The following CTXND1 variants were observed in gnomAD, a reference collection of about 807,000 sequenced individuals.
CTXND1 encodes cortexin domain containing 1.
chr15:80,205,526 T>A (rs938160085), intron 1 of CTXND1, among the ~76,000 whole-genome samples: 1 of 152,206 alleles, frequency 6.6e-6, no homozygotes, highest in Non-Finnish European at 1.5e-5. Flanking sequence ...TATTTATGGG[T>A]TTTTTGAATA....
chr15:80,221,867 TG>T (rs769191192), intron 1 of CTXND1, among the ~76,000 whole-genome samples: 6 of 152,222 alleles, frequency 3.9e-5, no homozygotes, highest in Non-Finnish European at 7.3e-5. Context: ...AAATGTTGTT[TG>T]GAAATATGTT....
intron 1 of CTXND1, among the ~76,000 whole-genome samples, chr15:80,216,704 T>G (rs1893257367): frequency 6.6e-6 from 1 of 152,160 alleles, no homozygotes; most frequent in African/African-American, 2.4e-5. Flanking sequence ...AAACTCTGCC[T>G]CCTGGGTTCA....
Position 80,208,071 on chromosome 15 carries a change from G to A in CTXND1, c.-217-4331C>T, listed in dbSNP as rs138227317. 2.8e-3 allele frequency among the ~76,000 whole-genome samples: 420 copies of A among 152,370 alleles called. 2 individuals carry two copies. The highest frequency in any genetic ancestry group is 9.6e-3 in the African/African-American group (399 of 41,598). Reference sequence around the variant, plus strand: ...CAACTATGAGGCCAGGCTTGAGGATGAGGAAATAGGTGTTTGGTCAAAGTT... The same window carrying A: ...CAACTATGAGGCCAGGCTTGAGGATAAGGAAATAGGTGTTTGGTCAAAGTT... On this transcript the variant is annotated intron_variant, in intron 1 of 2. Transcript: ENST00000560778.
At chr15:80,212,912 C>G (rs1893215897) in intron 1 of CTXND1, among the ~76,000 whole-genome samples, 1 of 152,170 alleles carries the variant, frequency 6.6e-6, no homozygotes, top group South Asian at 2.1e-4. Context: ...AGAGCTGTGG[C>G]CAAGAGGGCA....
intron 1 of CTXND1, among the ~76,000 whole-genome samples, chr15:80,223,578 A>G (rs1438366423): frequency 6.6e-6 from 1 of 152,134 alleles, no homozygotes; most frequent in African/African-American, 2.4e-5. Context: ...TTAGTTGTAT[A>G]TCTAGAAGGT....
Position 80,201,750 on chromosome 15 carries a change from G to C in CTXND1, c.*20C>G. 2.5e-6 allele frequency: 1 copy of C among 398,858 alleles called. No homozygotes were observed. The highest frequency in any genetic ancestry group is 4.4e-6 in the Non-Finnish European group (1 of 226,282). The allele number at this position is 398,858 out of a possible 1,614,324, so 24.7% of individuals were successfully genotyped here. A position where few individuals can be genotyped will look rare whatever the true frequency, so the allele number is the denominator to read the frequency against. On this transcript the variant is annotated 3_prime_UTR_variant, in exon 3 of 3. Transcript: ENST00000560778. The stretch of plus-strand genomic sequence containing the variant: ...AGCCACCCACAGAGCGCCAGGTCCA[G>C]TCCCCACAGCCGCTGTGCCTCAGTC...
At chr15:80,220,892 AATTT>A (rs1893306794) in intron 1 of CTXND1, among the ~76,000 whole-genome samples, 1 of 148,504 alleles carries the variant, frequency 6.7e-6, no homozygotes. Flanking sequence ...ATTATTAATT[AATTT>A]ATTATTATTA....
At chr15:80,225,716 G>C (rs1053665774) in intron 1 of CTXND1, among the ~76,000 whole-genome samples, 6 of 151,924 alleles carry the variant, frequency 3.9e-5, no homozygotes, top group Admixed American at 2.0e-4. Context: ...CTCTTTTTAT[G>C]AAGTGGTATG....
intron 1 of CTXND1, among the ~76,000 whole-genome samples, chr15:80,225,073 C>A (rs2142132154): frequency 6.6e-6 from 1 of 152,328 alleles, no homozygotes. Flanking sequence ...CTCACAATGC[C>A]TTTCTTTTAT....
intron 1 of CTXND1, among the ~76,000 whole-genome samples, chr15:80,215,474 G>C (rs538425676): frequency 6.6e-6 from 1 of 152,248 alleles, no homozygotes; most frequent in East Asian, 1.9e-4. Flanking sequence ...TCTCCTTGAG[G>C]ACAAAGGATG....
intron 1 of CTXND1, among the ~76,000 whole-genome samples, chr15:80,245,939 G>A (rs1403707048): frequency 1.3e-5 from 2 of 152,068 alleles, no homozygotes; most frequent in Non-Finnish European, 2.9e-5. Context: ...CTTTTGTAAT[G>A]AAAATCAAAT....
chr15:80,235,577 A>C (rs1893486313), intron 1 of CTXND1, among the ~76,000 whole-genome samples: 1 of 152,078 alleles, frequency 6.6e-6, no homozygotes, highest in African/African-American at 2.4e-5. Flanking sequence ...CCCAGTTACT[A>C]TTTTCAGCCT....
intron 1 of CTXND1, among the ~76,000 whole-genome samples, chr15:80,221,340 A>G (rs1893316319): frequency 6.6e-6 from 1 of 152,194 alleles, no homozygotes; most frequent in Non-Finnish European, 1.5e-5. Flanking sequence ...ACCACAAGTG[A>G]AATAGTGAAT....
intron 1 of CTXND1, among the ~76,000 whole-genome samples, chr15:80,218,633 T>C (rs962389819): frequency 6.6e-6 from 1 of 151,926 alleles, no homozygotes; most frequent in Non-Finnish European, 1.5e-5. Context: ...TATATATATT[T>C]TCCGTTGATA....
intron 1 of CTXND1, among the ~76,000 whole-genome samples, chr15:80,219,605 T>A (rs188051282): frequency 2.2e-4 from 33 of 152,286 alleles, no homozygotes; most frequent in African/African-American, 7.0e-4. Context: ...CATTGCCAAT[T>A]TTTCCTCCCA....
chr15:80,205,127 T>C (rs1399545388), intron 1 of CTXND1, among the ~76,000 whole-genome samples: 3 of 152,230 alleles, frequency 2.0e-5, no homozygotes, highest in Non-Finnish European at 2.9e-5. Flanking sequence ...TTCCACATCT[T>C]TTAAAATTTA....
rs1595901639 is a variant in CTXND1 at position 80,197,443 on chromosome 15, AC to A, written c.*4326del. 1 of 152,238 alleles carries A rather than the reference AC, an allele frequency of 6.6e-6. No homozygotes were observed. The allele number at this position is 152,238 out of a possible 1,614,324, so 9.4% of individuals were successfully genotyped here. A position where few individuals can be genotyped will look rare whatever the true frequency, so the allele number is the denominator to read the frequency against. On this transcript the variant is annotated 3_prime_UTR_variant, in exon 3 of 3. Transcript: ENST00000560778. ...ACCTCTGTAAATATTCTTTCATTAA[AC>A]TGTCTTCAATCAGTGCTTCGTGTGT...
chr15:80,238,008 C>CAAAAA (rs57718635), intron 1 of CTXND1, among the ~76,000 whole-genome samples: 10,113 of 76,776 alleles, frequency 0.13, 914 homozygotes, highest in East Asian at 0.23. Flanking sequence ...GACTCCATCT[C>CAAAAA]AAAAAAAAAA....
chr15:80,234,564 A>G (rs1324102679), intron 1 of CTXND1, among the ~76,000 whole-genome samples: 2 of 145,878 alleles, frequency 1.4e-5, no homozygotes, highest in Non-Finnish European at 1.5e-5. Context: ...TGCAACGTCT[A>G]CCTCCCGGGT....
Sources: allele counts gnomAD v4.1 joint callset (sites outside exome capture counted in the v4.1 genomes callset), GRCh38; gene constraint gnomAD v4.1.1; transcripts MANE v1.5; gene names NCBI Gene and HGNC (gene_info 2026-07-23, HGNC 2026-07-21).